The following SMC4 variants were observed in gnomAD, a reference collection of about 807,000 sequenced individuals.
The protein encoded by SMC4 is structural maintenance of chromosomes protein 4.
A neutral mutation model predicts 145.6 loss-of-function variants in SMC4; 87 were observed. The ratio of observed to expected loss-of-function variants is 0.60; its 90% CI spans 0.50 to 0.71. The LOEUF is 0.71. Ranked by LOEUF, SMC4 falls within the 30% of genes least tolerant of loss-of-function variation. SMC4 has a pLI of 0.00. For missense variants in SMC4, 1,447 were observed against 1,537.1 expected (o/e 0.94, Z 0.98); for synonymous variants, 558 against 500.7 (o/e 1.11, Z -1.53).
intron 7 of SMC4, chr3:160,412,892 T>C: frequency 3.8e-6 from 3 of 795,894 alleles, no homozygotes; most frequent in Non-Finnish European, 4.6e-6. Context: ...TCCTTTTACG[T>C]GTGCACTTTT....
chr3:160,413,938 A>G, intron 8 of SMC4: 2 of 303,326 alleles, frequency 6.6e-6, no homozygotes, highest in Admixed American at 1.0e-4. Context: ...TTTTCTAGAT[A>G]GATTTTTAAG....
rs762390284 is a variant in SMC4, at chr3:160,419,375, A to G, written c.1689A>G (p.Gln563=). ...ACTTTTAGAAAGAAAAAGAACTTCA[A>G]AAACTTACACAAGAAGAAACAAACT... The part of the protein sequence containing the change: ...QELKEKEKEL[Q]KLTQEETNFK... The change falls in exon 12 of 24, where the codon CAA becomes CAG. Residue 563 remains glutamine (Q), a synonymous_variant. Coordinates refer to ENST00000357388, the MANE Select transcript of SMC4 (RefSeq NM_001002800.3). 1.1e-5 allele frequency: 18 copies of G among 1,589,052 alleles called. No homozygotes were observed. Among genetic ancestry groups the G allele is most frequent in the African/African-American group, 8.2e-5 (6 of 72,838 alleles).
chr3:160,400,730 C>G, intron 1 of SMC4, 92 bp from the exon 2 acceptor site: 2 of 1,373,410 alleles, frequency 1.5e-6, no homozygotes, highest in South Asian at 1.6e-5. Context: ...GCGGGGCTCT[C>G]GGAAGCCGGT....
intron 3 of SMC4, among the ~76,000 whole-genome samples, 157 bp downstream of exon 3, chr3:160,402,250 C>CA (rs1553769770): frequency 6.6e-5 from 10 of 152,292 alleles, no homozygotes; most frequent in African/African-American, 2.2e-4. Flanking sequence ...CACACACACA[C>CA]ACACGTTTCA....
chr3:160,431,540 C>T, intron 20 of SMC4, 103 bp from the exon 21 acceptor site: 1 of 883,548 alleles, frequency 1.1e-6, no homozygotes, highest in Non-Finnish European at 1.7e-6. Context: ...AGTCACAACT[C>T]CTGTTGTTTT....
At chr3:160,418,725 A>G (rs770236312) in intron 11 of SMC4, among the ~76,000 whole-genome samples, 4 of 152,084 alleles carry the variant, frequency 2.6e-5, no homozygotes, top group Non-Finnish European at 4.4e-5. Flanking sequence ...ACAGTAAGTA[A>G]TAGACATAAT....
In SMC4 at chr3:160,413,657, A is replaced by T. The variant is rs1034299656; in HGVS notation, c.1121+44A>T. ...GTACTAAAAGTATTTAGATAATTGTATTACATGTGTATTTATATATAAAGT... is the reference window on the plus strand; with the variant it reads ...GTACTAAAAGTATTTAGATAATTGTTTTACATGTGTATTTATATATAAAGT... On this transcript the variant is annotated intron_variant, in intron 8 of 23. Coordinates refer to ENST00000357388, the MANE Select transcript of SMC4 (RefSeq NM_001002800.3). 6.7e-6 allele frequency: 7 copies of T among 1,050,286 alleles called. No individual in the cohort carries two copies. In the African/African-American group the frequency reaches 1.2e-4, roughly 18 times the overall value. 65.1% of individuals were successfully genotyped at this position (1,050,286 alleles called of 1,614,324 possible).
At chr3:160,420,546 G>A in intron 12 of SMC4, 194 bp from the exon 13 acceptor site, 1 of 470,116 alleles carries the variant, frequency 2.1e-6, no homozygotes, top group South Asian at 3.5e-5. Context: ...CTTTCATTTT[G>A]TGCTCATTAG....
chr3:160,416,522 T>C (rs1348046166), intron 10 of SMC4, 107 bp downstream of exon 10: 6 of 640,020 alleles, frequency 9.4e-6, no homozygotes, highest in East Asian at 8.5e-5. Context: ...GTTTGGACTT[T>C]TAATGTCCAA....
intron 11 of SMC4, among the ~76,000 whole-genome samples, chr3:160,418,965 C>T (rs1302790614): frequency 1.3e-5 from 2 of 152,054 alleles, no homozygotes; most frequent in African/African-American, 4.8e-5. Flanking sequence ...CACAGCATAA[C>T]CGTAGTCCTG....
rs748289006 is a variant in SMC4 at position 160,400,855 on chromosome 3, C to T, written c.29C>T (p.Thr10Ile). The part of the protein sequence containing the change: MPRKGTQPS[T>I]ARRREEGPPP... The stretch of plus-strand genomic sequence containing the variant: ...CCCCGTAAAGGCACCCAGCCCTCCA[C>T]TGCCCGGCGCAGAGAGGAAGGGCCG... The change falls in exon 2 of 24, where the codon ACT (threonine) becomes ATT (isoleucine). Residue 10 changes from threonine (T) to isoleucine (I), a missense_variant. Physicochemically the swap from Thr to Ile is moderately conservative, Grantham distance 89 (BLOSUM62 -1). Coordinates refer to ENST00000357388, the MANE Select transcript of SMC4 (RefSeq NM_001002800.3). 1.1e-5 allele frequency: 17 copies of T among 1,535,586 alleles called. No individual in the cohort carries two copies. The highest frequency in any genetic ancestry group is 1.3e-5 in the Non-Finnish European group (15 of 1,151,026).
Position 160,428,775 on chromosome 3 carries a change from A to G in SMC4, c.2628A>G (p.Lys876=). 1 of 1,587,988 alleles carries G rather than the reference A, an allele frequency of 6.3e-7. No homozygotes were observed. The highest frequency in any genetic ancestry group is 8.5e-7 in the Non-Finnish European group (1 of 1,173,816). Residue 876 remains lysine, a synonymous_variant, in exon 18 of 24, where the codon AAA becomes AAG. Coordinates refer to ENST00000357388, the MANE Select transcript of SMC4 (RefSeq NM_001002800.3). ...FKTEYDAVAE[K]AGKVEAEVKR... ...CAGAATATGATGCTGTGGCTGAGAA[A>G]GCTGGTAAAGTAGAAGCTGAGGTTA...
chr3:160,420,924 C>T, intron 13 of SMC4, 23 bp downstream of exon 13: 1 of 1,572,746 alleles, frequency 6.4e-7, no homozygotes, highest in Non-Finnish European at 8.6e-7. Context: ...AATAACCTAC[C>T]TATAATTGGA....
In SMC4 at chr3:160,419,358, A is replaced by G. The variant is rs2108482191; in HGVS notation, c.1672A>G (p.Lys558Glu). The stretch of plus-strand genomic sequence containing the variant: ...GATTTCATTTTATTTTCACTTTTAG[A>G]AAGAAAAAGAACTTCAAAAACTTAC... The part of the protein sequence containing the change: ...LPQTEQELKE[K>E]EKELQKLTQE... The change falls in exon 12 of 24, where the codon AAA becomes GAA. Residue 558 changes from lysine to glutamate, a missense_variant and splice_region_variant. Physicochemically the swap from Lys to Glu is moderately conservative, Grantham distance 56. Transcript: ENST00000357388. 6.3e-7 allele frequency: 1 copy of G among 1,578,468 alleles called. No individual in the cohort carries two copies. The highest frequency in any genetic ancestry group is 8.6e-7 in the Non-Finnish European group (1 of 1,165,498).
At position 160,423,480 on chromosome 3, in the gene SMC4, G is replaced by A. The variant is rs755580882; in HGVS notation, c.2075G>A (p.Arg692His). 3.7e-6 allele frequency: 6 copies of A among 1,611,748 alleles called. No homozygotes were observed. The highest frequency in any genetic ancestry group is 5.1e-6 in the Non-Finnish European group (6 of 1,179,118). Residue 692 changes from arginine to histidine, a missense_variant, in exon 14 of 24, where the codon CGT (arginine) becomes CAT (histidine). By Grantham distance (29) the Arg-to-His change is conservative (BLOSUM62 0). Transcript: ENST00000357388. Reference sequence around the variant, plus strand: ...ATTCAAACTCCTGAAAATACTCCTCGTTTATTTGATTTAGTAAAAGTAAAA... The same window carrying A: ...ATTCAAACTCCTGAAAATACTCCTCATTTATTTGATTTAGTAAAAGTAAAA... ...TEIQTPENTP[R>H]LFDLVKVKDE...
chr3:160,430,598 G>GA lies in SMC4; in HGVS notation c.2798dup (p.Asn933LysfsTer20). 2 of 1,566,256 alleles carry GA rather than the reference G, an allele frequency of 1.3e-6. No homozygotes were observed. Among genetic ancestry groups the GA allele is most frequent in the Non-Finnish European group, 1.7e-6 (2 of 1,159,866 alleles). On this transcript the variant is annotated frameshift_variant and splice_region_variant. Coordinates refer to ENST00000357388, the MANE Select transcript of SMC4 (RefSeq NM_001002800.3). LOFTEE classifies it high-confidence loss of function. Reference sequence around the variant, plus strand: ...TTTGATGCATCATTTTGCTTCTTTAGAAACCTTCAAAAGGCACAAGACTCT... The same window carrying GA: ...TTTGATGCATCATTTTGCTTCTTTAGAAAACCTTCAAAAGGCACAAGACTCT...
In SMC4 at chr3:160,423,641, G is replaced by A. The variant is rs746262025; in HGVS notation, c.2236G>A (p.Glu746Lys). The A allele has an allele frequency of 6.2e-7, 1 of 1,610,184 alleles. No homozygotes were observed. Among genetic ancestry groups the A allele is most frequent in the African/African-American group, 1.3e-5 (1 of 74,720 alleles). Residue 746 changes from glutamate to lysine, a missense_variant, in exon 14 of 24, where the codon GAA becomes AAA. Coordinates refer to ENST00000357388, the MANE Select transcript of SMC4 (RefSeq NM_001002800.3). ...RVVTLQGQII[E>K]QSGTMTGGGS... The stretch of plus-strand genomic sequence containing the variant: ...GGTAACTTTACAGGGACAAATCATA[G>A]AACAGTCAGGTAATAGTGTTTTTGT...
intron 21 of SMC4, 26 bp from the exon 22 acceptor site, chr3:160,432,257 T>G: frequency 6.9e-7 from 1 of 1,451,010 alleles, no homozygotes; most frequent in South Asian, 1.2e-5. Flanking sequence ...TCTGAATAGA[T>G]TTTCCCTATC....
At position 160,431,285 on chromosome 3, in the gene SMC4, G is replaced by T. The variant is rs944749950; in HGVS notation, c.3114+80G>T. On this transcript the variant is annotated intron_variant, in intron 20 of 23. Coordinates refer to ENST00000357388, the MANE Select transcript of SMC4 (RefSeq NM_001002800.3). ...GGTTTGGGGAGGATTGTTTTAGGGG[G>T]TTGGGGTTCTTAAATTTTGTTTGTG... 41 of 1,222,866 alleles carry T rather than the reference G, an allele frequency of 3.4e-5. 1 individual carries two copies. In the East Asian group the frequency reaches 5.5e-4, roughly 16 times the overall value. The allele number at this position is 1,222,866 out of a possible 1,614,324, so 75.8% of individuals were successfully genotyped here.
Sources: gnomAD v4.1 joint callset for allele counts (sites outside exome capture counted in the v4.1 genomes callset) on GRCh38, gnomAD v4.1.1 for gene constraint, MANE v1.5 for transcripts, NCBI Gene and HGNC (gene_info 2026-07-23, HGNC 2026-07-21) for gene names.